Variants in TMEM9 observed in about 807,000 individuals in gnomAD.
TMEM9 encodes transmembrane protein 9, also known as proton-transporting V-type ATPase complex assembly regulator TMEM9.
A neutral mutation model predicts 22.8 loss-of-function variants in TMEM9; 13 were observed. The ratio of observed to expected loss-of-function variants is 0.57; its 90% CI spans 0.37 to 0.91. The LOEUF (loss-of-function observed/expected upper bound fraction) is 0.91. Among genes scored for constraint, TMEM9 ranks in the 40% least tolerant of loss-of-function variants. The pLI is 0.01. For synonymous variants in TMEM9, 88 were observed against 93.0 expected, an observed-to-expected ratio of 0.95 and a Z score of 0.31; for missense variants, 182 against 238.1, an observed-to-expected ratio of 0.76 and a Z score of 1.55.
At chr1:201,159,031 G>A (rs1665877844), upstream of TMEM9, among the ~76,000 whole-genome samples, 1 of 152,108 alleles carries the variant, frequency 6.6e-6, no homozygotes, top group African/African-American at 2.4e-5. Flanking sequence ...AAGCTTATCT[G>A]TCCAGTGTCT....
intron 1 of TMEM9, among the ~76,000 whole-genome samples, chr1:201,171,102 G>A (rs1258530912): frequency 1.3e-5 from 2 of 152,140 alleles, no homozygotes; most frequent in Non-Finnish European, 2.9e-5. Context: ...CAATCCCCGA[G>A]ACTCGGGCCT....
Position 201,135,791 on chromosome 1 carries a change from C to A in TMEM9, c.424G>T (p.Ala142Ser). The A allele has an allele frequency of 6.2e-7, 1 of 1,609,970 alleles. No individual in the cohort carries two copies. Among genetic ancestry groups the A allele is most frequent in the Non-Finnish European group, 8.5e-7 (1 of 1,178,356 alleles). ...GCTCGGGGTCCCCCGAGGGATGCAG[C>A]AGCTGCTGCCATAGAGCGAGCATCC... ...NEDARSMAAAAASLGGPRANT... is the reference protein window; with the variant it reads ...NEDARSMAAASASLGGPRANT... Residue 142 changes from alanine to serine, a missense_variant, in exon 5 of 5, where the codon GCT becomes TCT. Physicochemically the swap from Ala to Ser is moderately conservative, Grantham distance 99. Transcript: ENST00000367330.
At chr1:201,136,739 G>GGAGA (rs947302953) in intron 4 of TMEM9, among the ~76,000 whole-genome samples, 3 of 152,172 alleles carry the variant, frequency 2.0e-5, no homozygotes, top group Admixed American at 6.5e-5. Flanking sequence ...CCTGATCTTT[G>GGAGA]GAGAGAATTA....
intron 1 of TMEM9, among the ~76,000 whole-genome samples, chr1:201,163,792 C>T (rs141211175): frequency 2.6e-5 from 4 of 152,144 alleles, no homozygotes; most frequent in Admixed American, 2.6e-4. Context: ...TAGAAAACGG[C>T]ACAGCCTCTT....
upstream of TMEM9, among the ~76,000 whole-genome samples, chr1:201,154,928 G>T (rs749435850): frequency 4.1e-4 from 63 of 152,288 alleles, no homozygotes; most frequent in Non-Finnish European, 7.6e-4. Flanking sequence ...CTCTGAGAAG[G>T]AGAAATCTAG....
In TMEM9 at chr1:201,169,202, A is replaced by G. The variant is rs2102298766; in HGVS notation, c.-37+2288T>C. On this transcript the variant is annotated intron_variant, in intron 1 of 5. Coordinates refer to the TMEM9 transcript ENST00000367333. Reference sequence around the variant, plus strand: ...AGGGAATATCAGGATCCAAAAAGATACTGTAAGGTTGAAATGAAGGCTGAA... The same window carrying G: ...AGGGAATATCAGGATCCAAAAAGATGCTGTAAGGTTGAAATGAAGGCTGAA... Among the ~76,000 whole-genome samples, 2 of 152,294 alleles carry G rather than the reference A, an allele frequency of 1.3e-5. 1 individual carries two copies. The highest frequency in any genetic ancestry group is 4.2e-4 in the South Asian group (2 of 4,818).
chr1:201,137,484 A>G (rs921458653), intron 4 of TMEM9, among the ~76,000 whole-genome samples: 14 of 147,418 alleles, frequency 9.5e-5, no homozygotes, highest in Non-Finnish European at 2.1e-4. Context: ...ACACACACAC[A>G]CACACACACA....
chr1:201,140,988 C>T (rs1262451061), intron 4 of TMEM9, among the ~76,000 whole-genome samples: 3 of 152,184 alleles, frequency 2.0e-5, no homozygotes, highest in Non-Finnish European at 4.4e-5. Flanking sequence ...TCTGTAAAGA[C>T]AAGCTCCTTG....
chr1:201,138,050 T>G lies in TMEM9; in HGVS notation c.400-2235A>C, dbSNP rs543799630. On this transcript the variant is annotated intron_variant, in intron 4 of 4. Transcript: ENST00000367330. ...CGGGACTTGGCTCTGGGGGCTGGAT[T>G]GCCTTCTCTTCTTCTTTCCATTCCC... is the stretch of plus-strand genomic sequence containing the variant. Among the ~76,000 whole-genome samples, 21 of 152,244 alleles carry G rather than the reference T, an allele frequency of 1.4e-4. No homozygotes were observed. The East Asian group carries it at 1.5e-3, about 11-fold the overall frequency.
intron 1 of TMEM9, among the ~76,000 whole-genome samples, chr1:201,169,300 G>A (rs1122396): frequency 0.53 from 80,644 of 152,010 alleles, 22,268 homozygotes; most frequent in African/African-American, 0.69. Flanking sequence ...TGAATAGTAC[G>A]AGTGTAACGT....
At chr1:201,159,278 T>C (rs1207220701), upstream of TMEM9, among the ~76,000 whole-genome samples, 1 of 152,194 alleles carries the variant, frequency 6.6e-6, no homozygotes, top group Non-Finnish European at 1.5e-5. Context: ...TGCCTGACGA[T>C]GTCCTTAAAA....
At chr1:201,147,756 C>T (rs1163528836) in intron 2 of TMEM9, among the ~76,000 whole-genome samples, 4 of 152,200 alleles carry the variant, frequency 2.6e-5, no homozygotes, top group African/African-American at 7.2e-5. Context: ...TCCCAACCCA[C>T]CTCACTCCAG....
chr1:201,139,780 G>T (rs914642041), intron 4 of TMEM9, among the ~76,000 whole-genome samples: 1 of 152,210 alleles, frequency 6.6e-6, no homozygotes, highest in Non-Finnish European at 1.5e-5. Context: ...ACACACGATC[G>T]CAACAGTTAT....
rs939307989 is a variant in TMEM9, at chr1:201,163,266, G to A, written c.-37+8224C>T. On this transcript the variant is annotated intron_variant, in intron 1 of 5. Coordinates refer to the TMEM9 transcript ENST00000367333. ...CATGCCACTGTACTCCAGCCTGGGCGACACAGTGAGACCCTATGTCAAATA... is the reference window on the plus strand; with the variant it reads ...CATGCCACTGTACTCCAGCCTGGGCAACACAGTGAGACCCTATGTCAAATA... 7.2e-5 allele frequency among the ~76,000 whole-genome samples: 11 copies of A among 151,914 alleles called. No homozygotes were observed. The East Asian group carries it at 9.6e-4, about 13-fold the overall frequency.
intron 4 of TMEM9, among the ~76,000 whole-genome samples, chr1:201,137,270 T>TCC (rs754616051): frequency 1.6e-5 from 1 of 60,886 alleles, no homozygotes; most frequent in Non-Finnish European, 5.2e-5. Context: ...AGCCTCAGCC[T>TCC]CCCCTAGGCT....
intron 1 of TMEM9, among the ~76,000 whole-genome samples, chr1:201,163,634 A>T (rs1666002708): frequency 6.6e-6 from 1 of 152,122 alleles, no homozygotes; most frequent in Non-Finnish European, 1.5e-5. Context: ...TATTTTAGAA[A>T]TAAAAATAAT....
At chr1:201,159,699 C>T (rs950315439) in intron 1 of TMEM9, among the ~76,000 whole-genome samples, 2 of 151,892 alleles carry the variant, frequency 1.3e-5, no homozygotes, top group African/African-American at 4.8e-5. Flanking sequence ...GGCATAAGCC[C>T]GTACGCCTGT....
At chr1:201,141,208 G>A (rs183787876) in intron 4 of TMEM9, among the ~76,000 whole-genome samples, 215 of 152,334 alleles carry the variant, frequency 1.4e-3, no homozygotes, top group African/African-American at 4.8e-3. Context: ...CCCGTCTTAC[G>A]AAGCCAGATC....
chr1:201,151,078 C>A (rs926716883), intron 2 of TMEM9, among the ~76,000 whole-genome samples: 2 of 152,204 alleles, frequency 1.3e-5, no homozygotes, highest in African/African-American at 4.8e-5. Context: ...ACACCAGTAC[C>A]TGCTCCCACA....
Sources: gnomAD v4.1 joint callset for allele counts (sites outside exome capture counted in the v4.1 genomes callset) on GRCh38, gnomAD v4.1.1 for gene constraint, MANE v1.5 for transcripts, NCBI Gene and HGNC (gene_info 2026-07-23, HGNC 2026-07-21) for gene names.